Variants in SERINC5 observed in about 807,000 individuals in gnomAD.
SERINC5 encodes chromosome 5 open reading frame 12.
A neutral mutation model predicts 63.1 loss-of-function variants in SERINC5; 41 were observed. That is an observed-to-expected ratio of 0.65 (90% CI 0.51 to 0.84). The LOEUF (loss-of-function observed/expected upper bound fraction) is 0.84. SERINC5 is among the 40% of genes least tolerant of loss of function. The probability of loss-of-function intolerance (pLI) is 0.00; values close to 1 mark genes in which losing one functional copy is unlikely to be tolerated. For missense variants in SERINC5, 523 were observed against 573.0 expected, an observed-to-expected ratio of 0.91 and a Z score of 0.89; for synonymous variants, 222 against 215.2, an observed-to-expected ratio of 1.03 and a Z score of -0.28.
intron 2 of SERINC5, among the ~76,000 whole-genome samples, chr5:80,193,057 C>A (rs1749292257): frequency 6.6e-6 from 1 of 152,218 alleles, no homozygotes; most frequent in African/African-American, 2.4e-5. Flanking sequence ...CTGTGTGTTA[C>A]TCAGTGTCTC....
intron 2 of SERINC5, among the ~76,000 whole-genome samples, chr5:80,201,108 C>CA (rs747954886): frequency 1.2e-4 from 18 of 151,784 alleles, no homozygotes; most frequent in South Asian, 2.1e-4. Flanking sequence ...ACCACCCCCC[C>CA]ACAAAAAAAT....
In SERINC5 at chr5:80,146,249, G is replaced by A; in HGVS notation, c.1094-15C>T. 1.2e-6 allele frequency: 2 copies of A among 1,613,716 alleles called. No homozygotes were observed. Among genetic ancestry groups the A allele is most frequent in the African/African-American group, 2.7e-5 (2 of 75,044 alleles). On this transcript the variant is annotated splice_polypyrimidine_tract_variant and intron_variant, in intron 10 of 11. Coordinates refer to ENST00000507668, the MANE Select transcript of SERINC5 (RefSeq NM_001174072.3). ...CTCTTCAGTGTCTGTGAAGCACAGA[G>A]GGAGCCCAGGCTCAATGAGTGAATG... is the stretch of plus-strand genomic sequence containing the variant.
At chr5:80,131,823 T>C (rs73125933) in intron 11 of SERINC5, among the ~76,000 whole-genome samples, 3,586 of 152,296 alleles carry the variant, frequency 0.024, 148 homozygotes, top group African/African-American at 0.081. Flanking sequence ...CTTTCCTTTT[T>C]CCTTGAATTT....
At chr5:80,146,059 T>C (rs1293092097) in intron 11 of SERINC5, 31 bp downstream of exon 11, 1 of 1,612,464 alleles carries the variant, frequency 6.2e-7, no homozygotes, top group Non-Finnish European at 8.5e-7. Context: ...AGGCTTTGCT[T>C]CAAAAATACC....
Position 80,139,041 on chromosome 5 carries a change from A to C in SERINC5, c.*4622T>G. On this transcript the variant is annotated 3_prime_UTR_variant, in exon 12 of 12. Coordinates refer to ENST00000507668, the MANE Select transcript of SERINC5 (RefSeq NM_001174072.3). The stretch of plus-strand genomic sequence containing the variant: ...TGACTAAAGGGGGAAAATAACTTTC[A>C]AAAGTTACCAAAATTCGAATCATAT... 5.1e-6 allele frequency: 5 copies of C among 983,214 alleles called. No homozygotes were observed. The highest frequency in any genetic ancestry group is 6.0e-6 in the Non-Finnish European group (5 of 827,888). The allele number at this position is 983,214 out of a possible 1,614,324, so 60.9% of individuals were successfully genotyped here.
intron 1 of SERINC5, among the ~76,000 whole-genome samples, chr5:80,250,832 C>CT (rs544396322): frequency 8.1e-4 from 124 of 152,268 alleles, no homozygotes; most frequent in Non-Finnish European, 1.3e-3. Flanking sequence ...TAACTTTTCA[C>CT]TTTCCTGACT....
chr5:80,148,063 G>C (rs1745933518), intron 9 of SERINC5, among the ~76,000 whole-genome samples: 1 of 152,154 alleles, frequency 6.6e-6, no homozygotes, highest in Middle Eastern at 3.4e-3. Flanking sequence ...AAATAGTAAA[G>C]TGAAGGAATC....
In SERINC5 at chr5:80,229,050, T is replaced by TGGAGGGG. The variant is rs1751303992; in HGVS notation, c.28-25998_28-25997insCCCCTCC. Among the ~76,000 whole-genome samples, 17 of 94,104 alleles carry TGGAGGGG rather than the reference T, an allele frequency of 1.8e-4. 2 individuals carry two copies. The highest frequency in any genetic ancestry group is 2.7e-4 in the Admixed American group (2 of 7,530). 61.7% of individuals were successfully genotyped at this position (94,104 alleles called of 152,430 possible). On this transcript the variant is annotated intron_variant, in intron 1 of 11. Transcript: ENST00000507668. ...TTTTTTTTTTTTTTTTTTTTTTTTT[T>TGGAGGGG]GGGGATGGAGTTGCCTAGGCTGGAG...
chr5:80,122,216 A>ATATATATATATATATATATATAATG (rs1561348089), intron 11 of SERINC5, among the ~76,000 whole-genome samples: 5 of 67,520 alleles, frequency 7.4e-5, no homozygotes, highest in African/African-American at 3.6e-4. Context: ...TATATATAAT[A>ATATATATATATATATATATATAATG]TGAGTTTATT....
chr5:80,134,423 T>C (rs536800216), downstream of SERINC5, among the ~76,000 whole-genome samples: 3 of 152,212 alleles, frequency 2.0e-5, no homozygotes, highest in African/African-American at 4.8e-5. Flanking sequence ...GAGGTGGAGA[T>C]TGCAGTGAGC....
intron 1 of SERINC5, among the ~76,000 whole-genome samples, chr5:80,254,605 T>G (rs1317574530): frequency 6.6e-6 from 1 of 152,158 alleles, no homozygotes; most frequent in East Asian, 1.9e-4. Context: ...AAAACGGGAA[T>G]AAAAGATTTG....
In SERINC5 at chr5:80,143,780, G is replaced by C; in HGVS notation, c.1269C>G (p.Phe423Leu). ...CCCAGAAGATGGACCAGCTCCCGCT[G>C]AAGAAGCTCTCGATGTTGGCACTTT... ...NYESANIESF[F>L]SGSWSIFWVK... The change falls in exon 12 of 12, where the codon TTC (phenylalanine) becomes TTG (leucine). Residue 423 changes from phenylalanine to leucine, a missense_variant. Coordinates refer to ENST00000507668, the MANE Select transcript of SERINC5 (RefSeq NM_001174072.3). 6.5e-7 allele frequency: 1 copy of C among 1,536,152 alleles called. No homozygotes were observed. The highest frequency in any genetic ancestry group is 8.7e-7 in the Non-Finnish European group (1 of 1,146,884).
chr5:80,196,675 A>G (rs1209591011), intron 2 of SERINC5, among the ~76,000 whole-genome samples: 2 of 152,238 alleles, frequency 1.3e-5, no homozygotes, highest in African/African-American at 2.4e-5. Flanking sequence ...TGTTACAGGT[A>G]TATTTACAGT....
At chr5:80,245,786 TG>T (rs1238866821) in intron 1 of SERINC5, among the ~76,000 whole-genome samples, 1 of 151,746 alleles carries the variant, frequency 6.6e-6, no homozygotes, top group African/African-American at 2.4e-5. Context: ...GGCTAATTTT[TG>T]TATTTTTAGT....
intron 6 of SERINC5, among the ~76,000 whole-genome samples, chr5:80,168,628 C>CA (rs904330628): frequency 1.3e-5 from 2 of 151,920 alleles, no homozygotes; most frequent in African/African-American, 2.4e-5. Flanking sequence ...CCGACACCCA[C>CA]AAAAAAAATC....
intron 5 of SERINC5, among the ~76,000 whole-genome samples, chr5:80,174,366 CAAA>C (rs1241280653): frequency 5.1e-5 from 1 of 19,548 alleles, no homozygotes. Flanking sequence ...GATCCCATCT[CAAA>C]AATAATAATA....
intron 1 of SERINC5, among the ~76,000 whole-genome samples, chr5:80,254,311 T>C (rs900654001): frequency 6.6e-6 from 1 of 152,220 alleles, no homozygotes; most frequent in Non-Finnish European, 1.5e-5. Context: ...CCCACCACAG[T>C]GATGCCTCCA....
chr5:80,225,389 A>T (rs1301570584), intron 1 of SERINC5, among the ~76,000 whole-genome samples: 1 of 152,176 alleles, frequency 6.6e-6, no homozygotes, highest in Admixed American at 6.5e-5. Context: ...TTTGTTTGCA[A>T]TACTTTATAA....
intron 7 of SERINC5, 61 bp downstream of exon 7, chr5:80,166,322 A>C: frequency 1.8e-6 from 2 of 1,133,120 alleles, no homozygotes; most frequent in Non-Finnish European, 2.6e-6. Flanking sequence ...ACAATAGCTC[A>C]TTCCTCCATG....
Sources: allele counts gnomAD v4.1 joint callset (sites outside exome capture counted in the v4.1 genomes callset), GRCh38; gene constraint gnomAD v4.1.1; transcripts MANE v1.5; gene names NCBI Gene and HGNC (gene_info 2026-07-23, HGNC 2026-07-21).